The following MBOAT1 variants were observed in gnomAD, a reference collection of about 807,000 sequenced individuals.
The protein encoded by MBOAT1 is membrane bound glycerophospholipid O-acyltransferase 1.
A neutral mutation model predicts 64.4 loss-of-function variants in MBOAT1; 67 were observed. The observed-to-expected ratio is 1.04, with a 90% CI of 0.85 to 1.27. The LOEUF (loss-of-function observed/expected upper bound fraction) is 1.27, where lower values mean the gene tolerates loss of function less well. MBOAT1 is among the 50% of genes most tolerant of loss of function. The pLI is 0.00. For synonymous variants in MBOAT1, 229 were observed against 218.9 expected, an observed-to-expected ratio of 1.05 and a Z score of -0.41; for missense variants, 563 against 604.6, an observed-to-expected ratio of 0.93 and a Z score of 0.72.
intron 4 of MBOAT1, among the ~76,000 whole-genome samples, chr6:20,138,167 G>T (rs1761056428): frequency 6.6e-6 from 1 of 152,140 alleles, no homozygotes; most frequent in Non-Finnish European, 1.5e-5. Flanking sequence ...TGCCTTTACG[G>T]TGGTAGGGAA....
At chr6:20,127,597 T>C (rs1029282915) in intron 6 of MBOAT1, among the ~76,000 whole-genome samples, 14 of 152,146 alleles carry the variant, frequency 9.2e-5, no homozygotes, top group African/African-American at 2.9e-4. Context: ...TGGTGAACCG[T>C]GCATGCCAGG....
At chr6:20,183,719 C>A (rs1762570629) in intron 1 of MBOAT1, among the ~76,000 whole-genome samples, 1 of 152,160 alleles carries the variant, frequency 6.6e-6, no homozygotes, top group South Asian at 2.1e-4. Context: ...AAAACCCTGC[C>A]CAAAAGGCTT....
chr6:20,145,720 A>G (rs1346312644), intron 3 of MBOAT1, among the ~76,000 whole-genome samples: 1 of 152,196 alleles, frequency 6.6e-6, no homozygotes, highest in Non-Finnish European at 1.5e-5. Context: ...ATGTTCCACA[A>G]TGAAACCCTG....
At chr6:20,153,866 A>C (rs111474987) in intron 1 of MBOAT1, among the ~76,000 whole-genome samples, 1 of 152,252 alleles carries the variant, frequency 6.6e-6, no homozygotes, top group African/African-American at 2.4e-5. Context: ...ATAAGCAAAC[A>C]TGTACCTTTG....
Position 20,118,424 on chromosome 6 carries a change from A to G in MBOAT1, c.1011+13T>C. 6.2e-7 allele frequency: 1 copy of G among 1,605,574 alleles called. No homozygotes were observed. Among genetic ancestry groups the G allele is most frequent in the Non-Finnish European group, 8.5e-7 (1 of 1,172,520 alleles). Reference sequence around the variant, plus strand: ...CTTCACTATGGAAGTTGGACTTAAAAGCATACACTCACCTCAATTTTCCAG... The same window carrying G: ...CTTCACTATGGAAGTTGGACTTAAAGGCATACACTCACCTCAATTTTCCAG... On this transcript the variant is annotated intron_variant, in intron 9 of 12. Coordinates refer to ENST00000324607, the MANE Select transcript of MBOAT1 (RefSeq NM_001080480.3).
chr6:20,164,081 C>T (rs1409959020), intron 1 of MBOAT1, among the ~76,000 whole-genome samples: 1 of 150,940 alleles, frequency 6.6e-6, no homozygotes, highest in Non-Finnish European at 1.5e-5. Flanking sequence ...ATATTATGTA[C>T]ATAATATATA....
At chr6:20,109,459 G>C (rs1232540254) in intron 12 of MBOAT1, 139 bp downstream of exon 12, 8 of 1,047,096 alleles carry the variant, frequency 7.6e-6, no homozygotes, top group Non-Finnish European at 1.1e-5. Flanking sequence ...TCCTCTTAAA[G>C]CTTCTATGGA....
chr6:20,206,648 C>T (rs1326802923), intron 1 of MBOAT1, among the ~76,000 whole-genome samples: 2 of 152,154 alleles, frequency 1.3e-5, no homozygotes, highest in African/African-American at 4.8e-5. Flanking sequence ...CAGAATCTGC[C>T]CACCTCTGGT....
At position 20,165,536 on chromosome 6, in the gene MBOAT1, A is replaced by C. The variant is rs544042990; in HGVS notation, c.100-12767T>G. ...GGCGGGTGGATCACTTGAGGTCAGGAGTTCAAGCCCAGCCTTTCCAATATG... is the reference window on the plus strand; with the variant it reads ...GGCGGGTGGATCACTTGAGGTCAGGCGTTCAAGCCCAGCCTTTCCAATATG... On this transcript the variant is annotated intron_variant, in intron 1 of 12. Transcript: ENST00000324607. Among the ~76,000 whole-genome samples the C allele has an allele frequency of 2.2e-3, 330 of 152,224 alleles. 1 individual carries two copies. Among genetic ancestry groups the C allele is most frequent in the South Asian group, 0.011 (53 of 4,824 alleles).
At chr6:20,163,867 G>A (rs58848216) in intron 1 of MBOAT1, among the ~76,000 whole-genome samples, 9,812 of 151,966 alleles carry the variant, frequency 0.065, 412 homozygotes, top group African/African-American at 0.12. Context: ...AAGAATTCTG[G>A]GCCTCCATAA....
At chr6:20,126,751 T>G in intron 6 of MBOAT1, 51 bp from the exon 7 acceptor site, 1 of 1,349,288 alleles carries the variant, frequency 7.4e-7, no homozygotes, top group South Asian at 1.3e-5. Flanking sequence ...TTGCTTTTTC[T>G]TCAGAATCTG....
intron 1 of MBOAT1, among the ~76,000 whole-genome samples, chr6:20,210,580 T>TCCCG (rs1157961731): frequency 2.0e-5 from 3 of 148,856 alleles, no homozygotes; most frequent in African/African-American, 7.4e-5. Flanking sequence ...CAGAAGTCTC[T>TCCCG]CCCTCCCTCC....
At chr6:20,179,538 T>C (rs1248284089) in intron 1 of MBOAT1, among the ~76,000 whole-genome samples, 1 of 152,250 alleles carries the variant, frequency 6.6e-6, no homozygotes, top group Non-Finnish European at 1.5e-5. Context: ...GTACCACATT[T>C]TCTTTATCCA....
At chr6:20,161,953 G>T (rs1220161987) in intron 1 of MBOAT1, among the ~76,000 whole-genome samples, 1 of 152,072 alleles carries the variant, frequency 6.6e-6, no homozygotes, top group Non-Finnish European at 1.5e-5. Context: ...GAGATTGAGG[G>T]TGTCGGCAGG....
intron 1 of MBOAT1, among the ~76,000 whole-genome samples, chr6:20,162,777 GGAAAAT>G (rs1223221685): frequency 1.3e-5 from 2 of 152,112 alleles, no homozygotes; most frequent in African/African-American, 4.8e-5. Flanking sequence ...CTTGTACAAG[GGAAAAT>G]TTGAATTAAA....
intron 4 of MBOAT1, among the ~76,000 whole-genome samples, chr6:20,141,465 T>G (rs928040937): frequency 6.6e-6 from 1 of 151,012 alleles, no homozygotes; most frequent in African/African-American, 2.4e-5. Context: ...GCTCAAGAGA[T>G]TCTCCTACCT....
intron 12 of MBOAT1, among the ~76,000 whole-genome samples, chr6:20,106,934 T>A (rs1759976523): frequency 1.3e-5 from 2 of 152,192 alleles, no homozygotes; most frequent in South Asian, 4.1e-4. Context: ...CTTGATAATT[T>A]AATTCTGCCC....
intron 1 of MBOAT1, 82 bp downstream of exon 1, chr6:20,212,054 G>C: frequency 8.0e-7 from 1 of 1,247,586 alleles, no homozygotes; most frequent in Non-Finnish European, 1.1e-6. Flanking sequence ...GGAGGCGGAG[G>C]GACGGTGGCT....
chr6:20,112,198 C>G (rs528060406), intron 11 of MBOAT1, among the ~76,000 whole-genome samples: 1 of 152,030 alleles, frequency 6.6e-6, no homozygotes, highest in East Asian at 1.9e-4. Flanking sequence ...AATGAAAGCA[C>G]TGAATCGCAA....
Sources: allele counts gnomAD v4.1 joint callset (sites outside exome capture counted in the v4.1 genomes callset), GRCh38; gene constraint gnomAD v4.1.1; transcripts MANE v1.5; gene names NCBI Gene and HGNC (gene_info 2026-07-23, HGNC 2026-07-21).